Variants in CAMTA1 observed in about 807,000 individuals in gnomAD.
CAMTA1 encodes calmodulin-binding transcription activator 1.
In CAMTA1, 27 loss-of-function variants were observed where a neutral mutation model predicts 170.9. The ratio of observed to expected loss-of-function variants is 0.16; its 90% confidence interval spans 0.12 to 0.22. CAMTA1 has a LOEUF of 0.22. Among genes scored for constraint, CAMTA1 ranks in the 10% least tolerant of loss-of-function variants. The pLI is 1.00. For synonymous variants in CAMTA1, 833 were observed against 891.5 expected (o/e 0.93, Z 1.17); for missense variants, 1,619 against 2,217.2 (o/e 0.73, Z 5.42).
intron 5 of CAMTA1, among the ~76,000 whole-genome samples, chr1:7,393,054 T>TAAAA (rs34475514): frequency 4.1e-5 from 6 of 145,016 alleles, no homozygotes; most frequent in African/African-American, 1.5e-4. Context: ...CTATATCTCT[T>TAAAA]AAAAAAAAAA....
chr1:7,731,032 G>A (rs1434668396), intron 11 of CAMTA1, among the ~76,000 whole-genome samples: 2 of 151,662 alleles, frequency 1.3e-5, no homozygotes, highest in African/African-American at 2.4e-5. Context: ...TTTTAACATC[G>A]ATTTAACTCC....
chr1:7,597,800 C>G (rs1040886262), intron 6 of CAMTA1, among the ~76,000 whole-genome samples: 7 of 152,064 alleles, frequency 4.6e-5, no homozygotes, highest in African/African-American at 1.7e-4. Flanking sequence ...TACCCAAAGT[C>G]TAGTGATTTA....
At chr1:7,130,275 G>A (rs1487746035) in intron 4 of CAMTA1, among the ~76,000 whole-genome samples, 1 of 152,034 alleles carries the variant, frequency 6.6e-6, no homozygotes, top group Non-Finnish European at 1.5e-5. Context: ...GTTATTTTGA[G>A]GTTCATACAT....
At chr1:7,346,810 G>A (rs971842849) in intron 5 of CAMTA1, among the ~76,000 whole-genome samples, 1 of 152,110 alleles carries the variant, frequency 6.6e-6, no homozygotes, top group East Asian at 1.9e-4. Flanking sequence ...GGCACCCCCA[G>A]CAGAGACCAG....
intron 5 of CAMTA1, among the ~76,000 whole-genome samples, chr1:7,352,199 A>T (rs913977541): frequency 4.7e-4 from 70 of 147,866 alleles, no homozygotes; most frequent in African/African-American, 1.8e-3. Context: ...AAGAAGGAAA[A>T]GTGAGGAGGG....
At chr1:7,038,007 G>T (rs2101246228) in intron 3 of CAMTA1, among the ~76,000 whole-genome samples, 1 of 151,896 alleles carries the variant, frequency 6.6e-6, no homozygotes, top group Middle Eastern at 3.4e-3. Context: ...AAGACCTTGG[G>T]CAAGTTACTT....
At chr1:7,529,504 A>T (rs113464650) in intron 6 of CAMTA1, among the ~76,000 whole-genome samples, 1,630 of 152,262 alleles carry the variant, frequency 0.011, 31 homozygotes, top group African/African-American at 0.037. Flanking sequence ...AAGGAACTTG[A>T]GGCACAGAGA....
chr1:7,157,101 T>A (rs1322145457), intron 4 of CAMTA1, among the ~76,000 whole-genome samples: 1 of 151,934 alleles, frequency 6.6e-6, no homozygotes, highest in East Asian at 1.9e-4. Context: ...CCCAGCACTT[T>A]GGGAGGCTGA....
chr1:7,315,283 A>G (rs1018616166), intron 5 of CAMTA1, among the ~76,000 whole-genome samples: 10 of 152,214 alleles, frequency 6.6e-5, no homozygotes, highest in African/African-American at 2.4e-4. Context: ...CAGCTGAAGA[A>G]AATTGTCTGG....
intron 5 of CAMTA1, among the ~76,000 whole-genome samples, chr1:7,390,644 C>G (rs1385402545): frequency 6.6e-6 from 1 of 152,196 alleles, no homozygotes; most frequent in African/African-American, 2.4e-5. Context: ...TGGAAGGGAC[C>G]CCACCCTACA....
At chr1:7,016,194 T>C (rs1011584779) in intron 3 of CAMTA1, among the ~76,000 whole-genome samples, 1 of 152,182 alleles carries the variant, frequency 6.6e-6, no homozygotes, top group Non-Finnish European at 1.5e-5. Context: ...GCTGGCTTCT[T>C]TCCCTCAGCC....
chr1:7,535,956 C>T (rs567772559), intron 6 of CAMTA1, among the ~76,000 whole-genome samples: 2 of 152,348 alleles, frequency 1.3e-5, no homozygotes, highest in Admixed American at 1.3e-4. Flanking sequence ...ATGCACTACA[C>T]GATTATTTCT....
intron 4 of CAMTA1, among the ~76,000 whole-genome samples, chr1:7,103,545 TAC>T (rs2148278760): frequency 3.3e-5 from 2 of 60,198 alleles, no homozygotes; most frequent in South Asian, 8.5e-4. Context: ...TACACACATG[TAC>T]ACACTACACA....
Position 7,553,188 on chromosome 1 carries a change from T to A in CAMTA1, c.510+85287T>A, listed in dbSNP as rs115004574. 2.6e-3 allele frequency among the ~76,000 whole-genome samples: 397 copies of A among 152,280 alleles called. 3 individuals are homozygous for A. Among genetic ancestry groups the A allele is most frequent in the African/African-American group, 9.1e-3 (379 of 41,550 alleles). ...ATGAATGAATGAGTGAATGAATGAA[T>A]GAGTGAATGCATGAATGAGTGAATA... On this transcript the variant is annotated intron_variant, in intron 6 of 22. Coordinates refer to ENST00000303635, the MANE Select transcript of CAMTA1 (RefSeq NM_015215.4).
chr1:7,040,309 G>A (rs908052363), intron 3 of CAMTA1, among the ~76,000 whole-genome samples: 1 of 152,114 alleles, frequency 6.6e-6, no homozygotes, highest in East Asian at 1.9e-4. Flanking sequence ...TAAATAATTT[G>A]TGTACTGTAA....
intron 3 of CAMTA1, among the ~76,000 whole-genome samples, chr1:7,076,665 G>A (rs1639342667): frequency 6.6e-6 from 1 of 152,114 alleles, no homozygotes; most frequent in Admixed American, 6.5e-5. Context: ...CTTTGGGAAT[G>A]GGGCACTGGC....
chr1:7,254,337 G>T (rs1046504252), intron 5 of CAMTA1, among the ~76,000 whole-genome samples: 2 of 152,238 alleles, frequency 1.3e-5, no homozygotes, highest in African/African-American at 4.8e-5. Flanking sequence ...CAGCACAGAG[G>T]CTGTTGGTTT....
chr1:7,768,823 A>T lies in CAMTA1; in HGVS notation c.*2332A>T, dbSNP rs751753943. 2 of 152,514 alleles carry T rather than the reference A, an allele frequency of 1.3e-5. No homozygotes were observed. Among genetic ancestry groups the T allele is most frequent in the Non-Finnish European group, 2.9e-5 (2 of 68,018 alleles). 9.4% of individuals were successfully genotyped at this position (152,514 alleles called of 1,614,324 possible). On this transcript the variant is annotated 3_prime_UTR_variant, in exon 23 of 23. Transcript: ENST00000303635. ...TTTACACAATTTGACCTATAGGAGG[A>T]CACTGAGTAATTTACAAACACAACT...
Position 7,348,210 on chromosome 1 carries a change from T to C in CAMTA1, c.438+98584T>C, listed in dbSNP as rs142534834. 5.0e-3 allele frequency among the ~76,000 whole-genome samples: 759 copies of C among 152,366 alleles called. 3 individuals are homozygous for C. The highest frequency in any genetic ancestry group is 0.014 in the Middle Eastern group (4 of 294). ...CCCTTTCTCTTCGTCTTGTGGCCTC[T>C]GGTTCTCACGCCTTGCCTCAATTCC... On this transcript the variant is annotated intron_variant, in intron 5 of 22. Transcript: ENST00000303635.
Sources: allele counts gnomAD v4.1 joint callset (sites outside exome capture counted in the v4.1 genomes callset), GRCh38; gene constraint gnomAD v4.1.1; transcripts MANE v1.5; gene names NCBI Gene and HGNC (gene_info 2026-07-23, HGNC 2026-07-21).